KCNIP4: variants seen among roughly 807,000 people sequenced by gnomAD.
The protein encoded by KCNIP4 is Kv channel-interacting protein 4.
KCNIP4 carries 12 observed loss-of-function variants against 34.0 expected under a neutral mutation model. That is an observed-to-expected ratio of 0.35 (90% confidence interval 0.23 to 0.57). The LOEUF (loss-of-function observed/expected upper bound fraction) is 0.57. KCNIP4 is among the 20% of genes least tolerant of loss of function. KCNIP4 has a pLI of 0.83. For missense variants in KCNIP4, 238 were observed against 311.7 expected (o/e 0.76, Z 1.78); for synonymous variants, 124 against 102.2 (o/e 1.21, Z -1.29).
At chr4:20,836,336 T>C (rs1175552001) in intron 3 of KCNIP4, among the ~76,000 whole-genome samples, 1 of 152,210 alleles carries the variant, frequency 6.6e-6, no homozygotes, top group African/African-American at 2.4e-5. Context: ...AATAACTTTT[T>C]CCTTGCTTCT....
At chr4:21,094,165 A>G (rs925055235) in intron 1 of KCNIP4, among the ~76,000 whole-genome samples, 2 of 152,204 alleles carry the variant, frequency 1.3e-5, no homozygotes, top group African/African-American at 4.8e-5. Flanking sequence ...CCAAATCAAA[A>G]TGTTATTTAA....
At chr4:20,882,798 G>T in intron 1 of KCNIP4, 89 bp from the exon 2 acceptor site, 2 of 1,000,364 alleles carry the variant, frequency 2.0e-6, no homozygotes, top group Non-Finnish European at 3.1e-6. Flanking sequence ...CAGGCAGGAA[G>T]GATCAGGGAC....
At chr4:21,134,404 A>G (rs1224358933) in intron 1 of KCNIP4, among the ~76,000 whole-genome samples, 2 of 152,172 alleles carry the variant, frequency 1.3e-5, no homozygotes, top group Admixed American at 6.5e-5. Context: ...TACAAAATAC[A>G]TGTTGATTTA....
At chr4:21,431,774 C>T (rs1174992534) in intron 1 of KCNIP4, among the ~76,000 whole-genome samples, 1 of 151,564 alleles carries the variant, frequency 6.6e-6, no homozygotes, top group Non-Finnish European at 1.5e-5. Context: ...TGATTAAAGA[C>T]TGAACTACCA....
intron 1 of KCNIP4, among the ~76,000 whole-genome samples, chr4:21,772,461 C>A (rs2323105): frequency 2.6e-5 from 4 of 151,972 alleles, no homozygotes; most frequent in African/African-American, 7.3e-5. Flanking sequence ...GGAGGAGTCT[C>A]TCCTGTTCAA....
chr4:20,973,603 T>C (rs1735191302), intron 1 of KCNIP4, among the ~76,000 whole-genome samples: 1 of 152,228 alleles, frequency 6.6e-6, no homozygotes, highest in Admixed American at 6.5e-5. Context: ...AGAGGCTTAG[T>C]GTTTGGCCAG....
At position 21,371,564 on chromosome 4, in the gene KCNIP4, T is replaced by C. The variant is rs770605193; in HGVS notation, c.62-488855A>G. ...TATAATAAAGATAATAATAGTAATT[T>C]CCTCATAAAGAAAATGAAATTAAAT... On this transcript the variant is annotated intron_variant, in intron 1 of 8. Transcript: ENST00000382152. Among the ~76,000 whole-genome samples, 18 of 147,236 alleles carry C rather than the reference T, an allele frequency of 1.2e-4. 1 individual carries two copies. Among genetic ancestry groups the C allele is most frequent in the Middle Eastern group, 3.4e-3 (1 of 292 alleles).
chr4:21,196,384 T>C (rs1302480324), intron 1 of KCNIP4, among the ~76,000 whole-genome samples: 1 of 152,220 alleles, frequency 6.6e-6, no homozygotes, highest in Non-Finnish European at 1.5e-5. Flanking sequence ...AGTGGAAATA[T>C]ACCTTAGTCA....
At chr4:21,053,668 C>A (rs532716984) in intron 1 of KCNIP4, among the ~76,000 whole-genome samples, 1 of 152,136 alleles carries the variant, frequency 6.6e-6, no homozygotes, top group South Asian at 2.1e-4. Context: ...AGTAAGGTTG[C>A]AGGATACAAG....
intron 1 of KCNIP4, among the ~76,000 whole-genome samples, chr4:21,285,082 G>T (rs1377776061): frequency 6.6e-6 from 1 of 152,118 alleles, no homozygotes; most frequent in Admixed American, 6.5e-5. Context: ...TATGGCTTAG[G>T]TTGATCCATT....
intron 1 of KCNIP4, among the ~76,000 whole-genome samples, chr4:21,602,690 T>C (rs965601521): frequency 6.6e-6 from 1 of 152,184 alleles, no homozygotes; most frequent in African/African-American, 2.4e-5. Flanking sequence ...AATGCAACAA[T>C]TGTAGCTGCA....
intron 1 of KCNIP4, among the ~76,000 whole-genome samples, chr4:20,966,855 T>C (rs140477111): frequency 1.3e-5 from 2 of 152,314 alleles, no homozygotes; most frequent in African/African-American, 2.4e-5. Context: ...TAATGAGTAC[T>C]AGGTATGTGG....
intron 1 of KCNIP4, among the ~76,000 whole-genome samples, chr4:21,139,871 C>G (rs774355186): frequency 6.6e-6 from 1 of 152,158 alleles, no homozygotes; most frequent in Non-Finnish European, 1.5e-5. Context: ...GAAGAAAACA[C>G]AAGTGTAGAA....
At chr4:21,006,687 T>C (rs1165712545) in intron 1 of KCNIP4, among the ~76,000 whole-genome samples, 1 of 152,128 alleles carries the variant, frequency 6.6e-6, no homozygotes, top group African/African-American at 2.4e-5. Context: ...GGGAGTTAAG[T>C]TGGTCTTGAA....
At chr4:21,342,164 G>A (rs991196139) in intron 1 of KCNIP4, among the ~76,000 whole-genome samples, 5 of 152,056 alleles carry the variant, frequency 3.3e-5, no homozygotes, top group Non-Finnish European at 5.9e-5. Context: ...AGGAAGAAAA[G>A]AGACAAGATT....
chr4:21,152,681 C>G (rs1752844727), intron 1 of KCNIP4, among the ~76,000 whole-genome samples: 3 of 148,540 alleles, frequency 2.0e-5, no homozygotes, highest in Non-Finnish European at 4.5e-5. Context: ...CTGACAGGTC[C>G]TGGTCCGTGG....
intron 1 of KCNIP4, among the ~76,000 whole-genome samples, chr4:21,329,998 T>A (rs776149882): frequency 1.3e-4 from 20 of 152,278 alleles, no homozygotes; most frequent in Non-Finnish European, 2.4e-4. Context: ...TTCCCGTTCA[T>A]TACCGTAGGA....
At chr4:21,880,582 T>C (rs940526360) in intron 1 of KCNIP4, among the ~76,000 whole-genome samples, 1 of 152,232 alleles carries the variant, frequency 6.6e-6, no homozygotes, top group Non-Finnish European at 1.5e-5. Context: ...TTATACAGGT[T>C]GAATTAAGTT....
chr4:21,535,489 C>T (rs1276786674), intron 1 of KCNIP4, among the ~76,000 whole-genome samples: 2 of 152,014 alleles, frequency 1.3e-5, no homozygotes, highest in Non-Finnish European at 2.9e-5. Context: ...TTTTATGAAT[C>T]GCATGTTTCT....
Sources: allele counts gnomAD v4.1 joint callset (sites outside exome capture counted in the v4.1 genomes callset), GRCh38; gene constraint gnomAD v4.1.1; transcripts MANE v1.5; gene names NCBI Gene and HGNC (gene_info 2026-07-23, HGNC 2026-07-21).